Variants in SYTL4 observed in about 807,000 individuals in gnomAD.
SYTL4 encodes the protein synaptotagmin-like protein 4.
In SYTL4, 16 loss-of-function variants were observed where a neutral mutation model predicts 52.7. The ratio of observed to expected loss-of-function variants is 0.30; its 90% CI spans 0.21 to 0.46. The LOEUF is 0.46. SYTL4 is among the 20% of genes least tolerant of loss of function. SYTL4 has a pLI of 1.00. For synonymous variants in SYTL4, 160 were observed against 186.6 expected, an observed-to-expected ratio of 0.86 and a Z score of 1.16; for missense variants, 423 against 519.9, an observed-to-expected ratio of 0.81 and a Z score of 1.81.
chrX:100,724,368 T>A (rs1290325056), intron 2 of SYTL4, among the ~76,000 whole-genome samples: 1 of 102,276 alleles, frequency 9.8e-6, no homozygotes, highest in African/African-American at 3.7e-5. Flanking sequence ...GTCTGGGAGG[T>A]GTACCCAACA....
chrX:100,711,070 C>A (rs2084058839), intron 2 of SYTL4, among the ~76,000 whole-genome samples: 1 of 111,808 alleles, frequency 8.9e-6, no homozygotes, highest in Non-Finnish European at 1.9e-5. Flanking sequence ...TCACGGGACA[C>A]TAGCTGAAGG....
At chrX:100,691,239 A>G in intron 8 of SYTL4, 30 bp from the exon 9 acceptor site, 1 of 1,108,816 alleles carries the variant, frequency 9.0e-7, no homozygotes, top group Non-Finnish European at 1.2e-6. Context: ...CCAATATTGA[A>G]AGGAAGCAGG....
Position 100,689,887 on chromosome X carries a change from C to T in SYTL4, c.881G>A (p.Ser294Asn), listed in dbSNP as rs200772252. The stretch of plus-strand genomic sequence containing the variant: ...CACATTGAGGCCTGGGACGGATTTG[C>T]TTCTGTCTCCCAAGGAGCCACTTTC... ...VHESGSLGDR[S>N]KSVPGLNVDM... is the part of the protein sequence containing the mutation. The change falls in exon 12 of 20, where the codon AGC (serine) becomes AAC (asparagine). Residue 294 changes from serine to asparagine, a missense_variant. By Grantham distance (46) the Ser-to-Asn change is conservative. Transcript: ENST00000372989. 67 of 1,206,601 alleles carry T rather than the reference C, an allele frequency of 5.6e-5. No homozygotes were observed. The highest frequency in any genetic ancestry group is 3.2e-5 in the Non-Finnish European group (29 of 892,843).
chrX:100,691,822 G>A (rs1485655244), intron 8 of SYTL4, among the ~76,000 whole-genome samples: 3 of 111,291 alleles, frequency 2.7e-5, no homozygotes, highest in Non-Finnish European at 5.7e-5. Flanking sequence ...ACAGGCGTAA[G>A]CCACCACACC....
chrX:100,728,028 T>C (rs1010396217), intron 2 of SYTL4, among the ~76,000 whole-genome samples: 6 of 111,287 alleles, frequency 5.4e-5, no homozygotes, highest in Non-Finnish European at 1.1e-4. Flanking sequence ...AATTTGGGAG[T>C]GACAACAGTC....
At chrX:100,679,202 G>A (rs2083331515) in intron 18 of SYTL4, 111 bp downstream of exon 18, 1 of 572,789 alleles carries the variant, frequency 1.7e-6, no homozygotes. Context: ...AACAAATTTG[G>A]TTGCCGGGAG....
chrX:100,724,874 G>A (rs1050839638), intron 2 of SYTL4, among the ~76,000 whole-genome samples: 411 of 7,838 alleles, frequency 0.052, 3 homozygotes, highest in Middle Eastern at 0.29. Flanking sequence ...TCAATAAAAA[G>A]AAAAAAGAAA....
At chrX:100,696,111 C>A (rs1019801010) in intron 8 of SYTL4, among the ~76,000 whole-genome samples, 1 of 111,800 alleles carries the variant, frequency 8.9e-6, no homozygotes, top group African/African-American at 3.3e-5. Flanking sequence ...GGGTTATTTC[C>A]AGGGTTGGGC....
At chrX:100,695,216 G>C (rs1039159480) in intron 8 of SYTL4, among the ~76,000 whole-genome samples, 3 of 111,471 alleles carry the variant, frequency 2.7e-5, no homozygotes, top group African/African-American at 9.8e-5. Context: ...TAAGAGATGG[G>C]AGCCCTGGGC....
At position 100,675,224 on chromosome X, in the gene SYTL4, G is replaced by A. The variant is rs972450301; in HGVS notation, c.*804C>T. On this transcript the variant is annotated 3_prime_UTR_variant, in exon 20 of 20. Transcript: ENST00000372989. ...ATGCAGAAAATTCAGCATGGGCTGT[G>A]AGACACTTTACCCTCAGTCACTCTG... is the stretch of plus-strand genomic sequence containing the variant. The A allele has an allele frequency of 8.9e-6, 1 of 112,816 alleles. No individual in the cohort carries two copies. Among genetic ancestry groups the A allele is most frequent in the Non-Finnish European group, 1.9e-5 (1 of 53,326 alleles). The allele number at this position is 112,816 out of a possible 1,213,427, so 9.3% of individuals were successfully genotyped here. A position where few individuals can be genotyped will look rare whatever the true frequency, so the allele number is the denominator to read the frequency against.
intron 8 of SYTL4, among the ~76,000 whole-genome samples, chrX:100,694,960 T>A (rs1261395031): frequency 9.0e-6 from 1 of 110,943 alleles, no homozygotes; most frequent in African/African-American, 3.3e-5. Context: ...GCACAAGACA[T>A]AGCAGGGGGG....
intron 2 of SYTL4, among the ~76,000 whole-genome samples, chrX:100,710,174 C>T (rs1242573727): frequency 8.9e-6 from 1 of 111,896 alleles, no homozygotes; most frequent in Admixed American, 9.5e-5. Context: ...ATTATCATAT[C>T]CTGCCAAAGT....
chrX:100,721,563 C>A (rs1177248496), intron 2 of SYTL4, among the ~76,000 whole-genome samples: 1 of 111,123 alleles, frequency 9.0e-6, no homozygotes, highest in Non-Finnish European at 1.9e-5. Context: ...TCATATTCAG[C>A]CACACCCAAG....
intron 2 of SYTL4, among the ~76,000 whole-genome samples, chrX:100,714,143 C>A (rs763533447): frequency 1.5e-4 from 17 of 111,688 alleles, no homozygotes; most frequent in African/African-American, 4.9e-4. Flanking sequence ...TGTTTTTAAA[C>A]ATTTTAATAT....
At position 100,701,946 on chromosome X, in the gene SYTL4, G is replaced by A. The variant is rs750802165; in HGVS notation, c.92C>T (p.Ala31Val). The change falls in exon 5 of 20, where the codon GCA becomes GTA. Residue 31 changes from alanine to valine, a missense_variant. Coordinates refer to ENST00000372989, the MANE Select transcript of SYTL4 (RefSeq NM_001370165.1). Reference protein sequence around the residue: ...VLQRDEEVRKADEKRIRRLKN... With the variant: ...VLQRDEEVRKVDEKRIRRLKN... ...CTCTTACCTAATCCTTTTCTCATCT[G>A]CTTTCCGGACCTCTTCATCTCGCTG... The A allele has an allele frequency of 1.7e-6, 2 of 1,208,675 alleles. No individual in the cohort carries two copies. Among genetic ancestry groups the A allele is most frequent in the Non-Finnish European group, 2.2e-6 (2 of 893,352 alleles).
chrX:100,682,362 A>T (rs776774477), intron 16 of SYTL4, among the ~76,000 whole-genome samples: 1 of 111,044 alleles, frequency 9.0e-6, no homozygotes, highest in Non-Finnish European at 1.9e-5. Flanking sequence ...TTAAAAATAC[A>T]AAGTATTTTT....
Position 100,730,002 on chromosome X carries a change from C to T in SYTL4, c.-240+1416G>A, listed in dbSNP as rs759092444. ...CATCCATCCCATGACAAAACTAGCACACGATCACCCTCAGGCTCTCTGGTA... is the reference window on the plus strand; with the variant it reads ...CATCCATCCCATGACAAAACTAGCATACGATCACCCTCAGGCTCTCTGGTA... On this transcript the variant is annotated intron_variant, in intron 2 of 19. Transcript: ENST00000372989. Among the ~76,000 whole-genome samples, 4 of 111,218 alleles carry T rather than the reference C, an allele frequency of 3.6e-5. No individual in the cohort carries two copies. The East Asian group carries it at 1.1e-3, about 32-fold the overall frequency.
At chrX:100,683,127 G>T (rs72615558) in intron 16 of SYTL4, among the ~76,000 whole-genome samples, 25,403 of 85,724 alleles carry the variant, frequency 0.3, 3,327 homozygotes, top group East Asian at 0.58. Context: ...CCTTTCACCT[G>T]CCTGTATTTT....
At chrX:100,686,366 A>AT in intron 15 of SYTL4, 1 of 398,160 alleles carries the variant, frequency 2.5e-6, no homozygotes. Flanking sequence ...TGGAAAATTC[A>AT]TTTTTTCTTA....
Sources: gnomAD v4.1 joint callset for allele counts (sites outside exome capture counted in the v4.1 genomes callset) on GRCh38, gnomAD v4.1.1 for gene constraint, MANE v1.5 for transcripts, NCBI Gene and HGNC (gene_info 2026-07-23, HGNC 2026-07-21) for gene names.